Variants in LTBP1 observed in about 807,000 individuals in gnomAD.
LTBP1 encodes latent-transforming growth factor beta-binding protein 1.
LTBP1 carries 129 observed loss-of-function variants against 207.6 expected under a neutral mutation model. The ratio of observed to expected loss-of-function variants is 0.62; its 90% confidence interval spans 0.54 to 0.72. The LOEUF (loss-of-function observed/expected upper bound fraction) is 0.72. Among genes scored for constraint, LTBP1 ranks in the 30% least tolerant of loss-of-function variants. The pLI is 0.00. For missense variants in LTBP1, 2,281 were observed against 2,217.2 expected, an observed-to-expected ratio of 1.03 and a Z score of -0.58; for synonymous variants, 963 against 833.7, an observed-to-expected ratio of 1.16 and a Z score of -2.67.
intron 26 of LTBP1, among the ~76,000 whole-genome samples, chr2:33,354,904 C>T (rs919283501): frequency 6.6e-6 from 1 of 152,074 alleles, no homozygotes; most frequent in African/African-American, 2.4e-5. Flanking sequence ...CCATGCACAG[C>T]TCGTTTTTAA....
At chr2:33,017,473 C>T (rs7561994) in intron 2 of LTBP1, among the ~76,000 whole-genome samples, 26 of 152,284 alleles carry the variant, frequency 1.7e-4, no homozygotes, top group African/African-American at 6.0e-4. Context: ...TCAAAGTTTT[C>T]CCGGATGATA....
At chr2:33,149,220 C>CAAAA (rs1199273167) in intron 5 of LTBP1, among the ~76,000 whole-genome samples, 2 of 15,154 alleles carry the variant, frequency 1.3e-4, no homozygotes, top group Admixed American at 6.7e-4. Flanking sequence ...GTCTCACTCA[C>CAAAA]AAAAAAACAA....
At chr2:33,382,572 C>T (rs546906702) in intron 31 of LTBP1, among the ~76,000 whole-genome samples, 1 of 152,300 alleles carries the variant, frequency 6.6e-6, no homozygotes, top group South Asian at 2.1e-4. Context: ...TAAGTTATTG[C>T]ATGTGCCCTG....
chr2:33,214,895 T>G (rs2090567181), intron 7 of LTBP1, among the ~76,000 whole-genome samples: 1 of 152,166 alleles, frequency 6.6e-6, no homozygotes, highest in African/African-American at 2.4e-5. Flanking sequence ...AGCAATTGTT[T>G]TGGTATGCCT....
intron 5 of LTBP1, among the ~76,000 whole-genome samples, chr2:33,163,787 G>A (rs1477219197): frequency 1.3e-5 from 2 of 151,986 alleles, no homozygotes; most frequent in Non-Finnish European, 2.9e-5. Flanking sequence ...ATTAACCTAC[G>A]TCAAAATCAT....
intron 3 of LTBP1, among the ~76,000 whole-genome samples, chr2:33,053,847 G>A (rs1161246911): frequency 3.9e-5 from 6 of 152,170 alleles, no homozygotes; most frequent in African/African-American, 1.2e-4. Flanking sequence ...CTGCTGGCAC[G>A]AGGCTTCCAA....
chr2:33,168,433 G>C (rs1041459030), intron 5 of LTBP1, among the ~76,000 whole-genome samples: 1 of 148,248 alleles, frequency 6.7e-6, no homozygotes, highest in Non-Finnish European at 1.5e-5. Context: ...AGAAAAAAAA[G>C]AAAATGGGTG....
At chr2:33,135,077 G>T in intron 5 of LTBP1, 117 bp downstream of exon 5, 1 of 1,014,150 alleles carries the variant, frequency 9.9e-7, no homozygotes, top group South Asian at 1.9e-5. Flanking sequence ...CTGTCTATGA[G>T]TACGAGTATG....
At chr2:33,352,926 T>TACTA (rs2094801510) in intron 26 of LTBP1, among the ~76,000 whole-genome samples, 1 of 150,806 alleles carries the variant, frequency 6.6e-6, no homozygotes, top group African/African-American at 2.4e-5. Context: ...ACTTTGCCAC[T>TACTA]ACTAACTCTT....
intron 20 of LTBP1, among the ~76,000 whole-genome samples, chr2:33,297,922 T>C (rs534984258): frequency 8.5e-5 from 13 of 152,184 alleles, no homozygotes; most frequent in Non-Finnish European, 1.5e-4. Flanking sequence ...TTAAAGAGTA[T>C]AGGCCAGAAT....
chr2:33,347,755 G>T (rs2094723583), intron 26 of LTBP1, among the ~76,000 whole-genome samples: 1 of 152,184 alleles, frequency 6.6e-6, no homozygotes, highest in African/African-American at 2.4e-5. Context: ...CTCCAGTAAG[G>T]TAAAGGATCC....
chr2:33,175,336 G>A (rs182552093), intron 5 of LTBP1, among the ~76,000 whole-genome samples: 240 of 152,048 alleles, frequency 1.6e-3, no homozygotes, highest in African/African-American at 5.4e-3. Context: ...ATCAAAAAGT[G>A]GGCGAAGGAT....
intron 5 of LTBP1, among the ~76,000 whole-genome samples, chr2:33,148,828 C>G (rs1048889897): frequency 6.6e-6 from 1 of 152,136 alleles, no homozygotes; most frequent in Non-Finnish European, 1.5e-5. Flanking sequence ...TTGGCAATGC[C>G]GGCAAACATT....
intron 3 of LTBP1, chr2:33,056,547 T>G (rs2077009603): frequency 7.8e-6 from 4 of 511,568 alleles, no homozygotes; most frequent in Non-Finnish European, 1.3e-5. Context: ...TGGCGGGTTC[T>G]TGGTCTCACT....
At chr2:33,227,715 G>A (rs2149497182) in intron 9 of LTBP1, among the ~76,000 whole-genome samples, 1 of 150,312 alleles carries the variant, frequency 6.7e-6, no homozygotes, top group East Asian at 2.0e-4. Flanking sequence ...ACTCACTTTT[G>A]TGAACCCAGA....
At chr2:33,032,618 C>G (rs1018903454) in intron 3 of LTBP1, among the ~76,000 whole-genome samples, 1 of 152,252 alleles carries the variant, frequency 6.6e-6, no homozygotes, top group South Asian at 2.1e-4. Flanking sequence ...AAATGTCTTC[C>G]TAGCTGGACT....
At position 33,275,823 on chromosome 2, in the gene LTBP1, G is replaced by C. The variant is rs779351120; in HGVS notation, c.2892G>C (p.Pro964=). The C allele has an allele frequency of 5.0e-6, 8 of 1,613,950 alleles. No homozygotes were observed. In the South Asian group the frequency reaches 8.8e-5, roughly 18 times the overall value. Residue 964 remains proline (P), a synonymous_variant, in exon 18 of 34, where the codon CCG becomes CCC. Coordinates refer to ENST00000404816, the MANE Select transcript of LTBP1 (RefSeq NM_206943.4). ...NCIDVDECLR[P]DVCGEGHCVN... ...TAGATGTTGACGAATGCCTGAGGCC[G>C]GACGTCTGTGGGGAGGGGCACTGTG...
intron 2 of LTBP1, among the ~76,000 whole-genome samples, chr2:32,970,605 T>G (rs925362098): frequency 1.3e-5 from 2 of 152,194 alleles, no homozygotes; most frequent in Non-Finnish European, 2.9e-5. Flanking sequence ...TCTATTCTGG[T>G]CCATTGGTCT....
intron 20 of LTBP1, among the ~76,000 whole-genome samples, chr2:33,299,123 A>G (rs1558970379): frequency 6.6e-6 from 1 of 151,828 alleles, no homozygotes; most frequent in Non-Finnish European, 1.5e-5. Context: ...AAAATACAAA[A>G]ATGAGCTGGG....
Sources: allele counts gnomAD v4.1 joint callset (sites outside exome capture counted in the v4.1 genomes callset), GRCh38; gene constraint gnomAD v4.1.1; transcripts MANE v1.5; gene names NCBI Gene and HGNC (gene_info 2026-07-23, HGNC 2026-07-21).